Variants in SLC30A5 observed in about 807,000 individuals in gnomAD.
The protein encoded by SLC30A5 is proton-coupled zinc antiporter SLC30A5.
SLC30A5 carries 33 observed loss-of-function variants against 79.6 expected under a neutral mutation model. The ratio of observed to expected loss-of-function variants is 0.41; its 90% CI spans 0.31 to 0.55. The LOEUF is 0.55. Among genes scored for constraint, SLC30A5 ranks in the 20% least tolerant of loss-of-function variants. SLC30A5 has a pLI of 0.20. For missense variants in SLC30A5, 788 were observed against 928.1 expected, an observed-to-expected ratio of 0.85 and a Z score of 1.96; for synonymous variants, 299 against 319.7, an observed-to-expected ratio of 0.94 and a Z score of 0.69.
intron 11 of SLC30A5, 142 bp downstream of exon 11, chr5:69,117,538 T>G: frequency 2.7e-6 from 2 of 728,346 alleles, no homozygotes; most frequent in South Asian, 4.3e-5. Context: ...TAAGGGGATG[T>G]GAATCGGGCA....
intron 1 of SLC30A5, among the ~76,000 whole-genome samples, chr5:69,094,765 TGAACTTGGATGTTCAGGG>T (rs1285461362): frequency 1.3e-5 from 2 of 152,156 alleles, no homozygotes; most frequent in Non-Finnish European, 2.9e-5. Flanking sequence ...AGTACATACG[TGAACTTGGATGTTCAGGG>T]GAACTTGGAT....
intron 10 of SLC30A5, 64 bp from the exon 11 acceptor site, chr5:69,117,175 A>AAC: frequency 7.3e-7 from 1 of 1,372,398 alleles, no homozygotes; most frequent in Non-Finnish European, 1.0e-6. Context: ...ATTAAGGGTT[A>AAC]AAATCCTCCT....
Position 69,117,319 on chromosome 5 carries a change from T to G in SLC30A5, c.1362T>G (p.Phe454Leu). 6.2e-7 allele frequency: 1 copy of G among 1,614,130 alleles called. No homozygotes were observed. The highest frequency in any genetic ancestry group is 8.5e-7 in the Non-Finnish European group (1 of 1,180,000). ...TCTCGGATGGATTCCACATGCTTTT[T>G]GACTGCTCTGCTTTAGTCATGGGAC... ...GLISDGFHML[F>L]DCSALVMGLF... Residue 454 changes from phenylalanine (F) to leucine (L), a missense_variant, in exon 11 of 16, where the codon TTT becomes TTG. Physicochemically the swap from Phe to Leu is conservative, Grantham distance 22. Around this residue, in one of 3 missense-constraint regions of SLC30A5, gnomAD observed 626 missense variants for 755.5 expected, o/e 0.83. Coordinates refer to ENST00000396591, the MANE Select transcript of SLC30A5 (RefSeq NM_022902.5).
chr5:69,125,628 G>T (rs569709671), intron 14 of SLC30A5, among the ~76,000 whole-genome samples: 6 of 151,824 alleles, frequency 4.0e-5, no homozygotes, highest in African/African-American at 9.7e-5. Context: ...AAGGTCAGGA[G>T]ATTGAGACCA....
At chr5:69,103,689 A>T (rs184046956) in intron 3 of SLC30A5, among the ~76,000 whole-genome samples, 123 of 152,308 alleles carry the variant, frequency 8.1e-4, no homozygotes, top group Non-Finnish European at 1.2e-4. Context: ...TGACAATGTG[A>T]CACCCTCATG....
At chr5:69,096,857 G>C (rs988478962) in intron 1 of SLC30A5, among the ~76,000 whole-genome samples, 20 of 151,914 alleles carry the variant, frequency 1.3e-4, no homozygotes, top group African/African-American at 4.8e-4. Context: ...CTACTTGGGA[G>C]GCTAAGGCAG....
rs1321743509 is a variant in SLC30A5, at chr5:69,118,311, G to GTGTGTATATATATACATA, written c.1440-187_1440-186insGTGTATATATATACATAT. 3 of 157,688 alleles carry GTGTGTATATATATACATA rather than the reference G, an allele frequency of 1.9e-5. No homozygotes were observed. In the East Asian group the frequency reaches 5.7e-4, roughly 30 times the overall value. 9.8% of individuals were successfully genotyped at this position (157,688 alleles called of 1,614,324 possible). ...TCATATATAACGTGTATATATATGT[G>GTGTGTATATATATACATA]TATATATATATATGTATATATATAT... On this transcript the variant is annotated intron_variant, in intron 11 of 15. Coordinates refer to ENST00000396591, the MANE Select transcript of SLC30A5 (RefSeq NM_022902.5).
At chr5:69,112,522 G>A (rs1247271524) in intron 5 of SLC30A5, among the ~76,000 whole-genome samples, 1 of 150,854 alleles carries the variant, frequency 6.6e-6, no homozygotes, top group Non-Finnish European at 1.5e-5. Context: ...GAGGCAAGAG[G>A]ATCACTTGAG....
At position 69,125,870 on chromosome 5, in the gene SLC30A5, C is replaced by CAAAAAAAAA. The variant is rs532994254; in HGVS notation, c.1999-2116_1999-2108dup. Among the ~76,000 whole-genome samples, 115 of 54,184 alleles carry CAAAAAAAAA rather than the reference C, an allele frequency of 2.1e-3. 7 individuals are homozygous for CAAAAAAAAA. Among genetic ancestry groups the CAAAAAAAAA allele is most frequent in the African/African-American group, 7.6e-3 (86 of 11,316 alleles). 35.5% of individuals were successfully genotyped at this position (54,184 alleles called of 152,430 possible). On this transcript the variant is annotated intron_variant, in intron 14 of 15. Coordinates refer to ENST00000396591, the MANE Select transcript of SLC30A5 (RefSeq NM_022902.5). ...CGGGCCACAGAGCGAGACTCCGTCT[C>CAAAAAAAAA]AAAAAAAAAAAAAAAAAAAAAAAAA...
chr5:69,120,647 CA>C (rs917576088), intron 12 of SLC30A5, among the ~76,000 whole-genome samples: 21 of 152,030 alleles, frequency 1.4e-4, no homozygotes, highest in African/African-American at 5.1e-4. Flanking sequence ...TGGTTTCATT[CA>C]AAGTCATTAA....
intron 1 of SLC30A5, among the ~76,000 whole-genome samples, chr5:69,095,196 C>CTTT (rs371189827): frequency 0.13 from 15,011 of 112,002 alleles, 1,332 homozygotes; most frequent in Middle Eastern, 0.2. Context: ...TATAACGTAA[C>CTTT]TTTTTTTTTT....
At chr5:69,115,161 A>T in intron 7 of SLC30A5, 76 bp from the exon 8 acceptor site, 2 of 806,372 alleles carry the variant, frequency 2.5e-6, no homozygotes, top group Non-Finnish European at 1.8e-6. Flanking sequence ...AAAAAAAAAA[A>T]AAAAGATCAT....
intron 3 of SLC30A5, chr5:69,103,895 C>T (rs16898496): frequency 4.1e-6 from 5 of 1,227,776 alleles, no homozygotes; most frequent in South Asian, 1.5e-5. Context: ...GTTTCAGAGA[C>T]CAAGAACATT....
intron 14 of SLC30A5, among the ~76,000 whole-genome samples, chr5:69,125,846 G>A (rs995559352): frequency 2.5e-5 from 3 of 122,280 alleles, no homozygotes; most frequent in Non-Finnish European, 3.3e-5. Flanking sequence ...ACTCCAGCCC[G>A]GGCCACAGAG....
In SLC30A5 at chr5:69,123,334, GTGT is replaced by G. The variant is rs1235514162; in HGVS notation, c.1912_1914del (p.Val638del). 6.2e-7 allele frequency: 1 copy of G among 1,613,974 alleles called. No homozygotes were observed. The highest frequency in any genetic ancestry group is 8.5e-7 in the Non-Finnish European group (1 of 1,179,942). On this transcript the variant is annotated inframe_deletion, in exon 14 of 16. Coordinates refer to ENST00000396591, the MANE Select transcript of SLC30A5 (RefSeq NM_022902.5). Reference sequence around the variant, plus strand: ...TTTATTGCTATATTAATATTTCTCAGTGTTGTTCCACTGATTAAAGATGCCTGC... The same window carrying G: ...TTTATTGCTATATTAATATTTCTCAGTGTTCCACTGATTAAAGATGCCTGC...
At chr5:69,114,228 C>G (rs1030440152) in intron 6 of SLC30A5, among the ~76,000 whole-genome samples, 192 bp from the exon 7 acceptor site, 1 of 152,068 alleles carries the variant, frequency 6.6e-6, no homozygotes, top group Admixed American at 6.6e-5. Context: ...TAAATGAGGT[C>G]CTGGAATTAA....
chr5:69,128,469 G>C (rs575482063), intron 15 of SLC30A5, among the ~76,000 whole-genome samples: 43 of 151,882 alleles, frequency 2.8e-4, no homozygotes, highest in Non-Finnish European at 5.9e-4. Flanking sequence ...CGCCATGTTG[G>C]CCAGTCTAGT....
chr5:69,111,566 A>G (rs1311983879), intron 5 of SLC30A5, among the ~76,000 whole-genome samples: 2 of 151,934 alleles, frequency 1.3e-5, no homozygotes, highest in Non-Finnish European at 1.5e-5. Flanking sequence ...GGCCTCCCAA[A>G]GTGCTGGGAT....
At chr5:69,105,653 G>GT (rs1014977458) in intron 4 of SLC30A5, among the ~76,000 whole-genome samples, 11 of 145,026 alleles carry the variant, frequency 7.6e-5, no homozygotes, top group African/African-American at 2.7e-4. Context: ...GCGAGACTCC[G>GT]TCTCAAAAAA....
Sources: gnomAD v4.1 joint callset for allele counts (sites outside exome capture counted in the v4.1 genomes callset) on GRCh38, gnomAD v4.1.1 for gene constraint, gnomAD v4.1.1 regional missense constraint, MANE v1.5 for transcripts, NCBI Gene and HGNC (gene_info 2026-07-23, HGNC 2026-07-21) for gene names.